AFG2A: variants seen among roughly 807,000 people sequenced by gnomAD.
The protein encoded by AFG2A is ATPase family gene 2 protein homolog A.
chr4:123,096,840 C>T, the AFG2A span, among the ~76,000 whole-genome samples: 2 of 152,052 alleles, frequency 1.3e-5, no homozygotes, highest in Admixed American at 6.6e-5. Context: ...TTGTGTTAGA[C>T]TCATGGAGGT....
At chr4:123,138,121 A>G in the AFG2A span, among the ~76,000 whole-genome samples, 4 of 152,172 alleles carry the variant, frequency 2.6e-5, no homozygotes, top group Non-Finnish European at 5.9e-5. Flanking sequence ...ATTTCAGCCT[A>G]TAGTGTGCAA....
the AFG2A span, among the ~76,000 whole-genome samples, chr4:122,945,885 G>A: frequency 5.3e-3 from 802 of 152,280 alleles, 7 homozygotes; most frequent in African/African-American, 0.018. Context: ...ATATACTAAC[G>A]TGTTAGTAAT....
the AFG2A span, among the ~76,000 whole-genome samples, chr4:123,048,497 T>G: frequency 6.6e-6 from 1 of 152,168 alleles, no homozygotes; most frequent in African/African-American, 2.4e-5. Flanking sequence ...GAGCATGGGA[T>G]ATCTGTTCAT....
At chr4:123,293,759 G>T in the AFG2A span, among the ~76,000 whole-genome samples, 1 of 152,350 alleles carries the variant, frequency 6.6e-6, no homozygotes, top group South Asian at 2.1e-4. Flanking sequence ...GCTTACAAGG[G>T]CAGAGACACT....
the AFG2A span, among the ~76,000 whole-genome samples, chr4:123,020,401 TC>T: frequency 6.6e-6 from 1 of 151,168 alleles, no homozygotes; most frequent in African/African-American, 2.4e-5. Flanking sequence ...GGACTTTCAC[TC>T]TTGGCGTTCA....
the AFG2A span, among the ~76,000 whole-genome samples, chr4:123,035,681 TA>T: frequency 5.3e-5 from 8 of 152,186 alleles, no homozygotes; most frequent in African/African-American, 1.4e-4. Flanking sequence ...ATATATATGT[TA>T]TTTTTTTTGA....
the AFG2A span, among the ~76,000 whole-genome samples, chr4:122,933,043 T>C: frequency 6.6e-6 from 1 of 152,234 alleles, no homozygotes; most frequent in Non-Finnish European, 1.5e-5. Context: ...CCATAGATAA[T>C]AGTGCTCATA....
chr4:123,315,817 A>C, the AFG2A span: 1 of 152,184 alleles, frequency 6.6e-6, no homozygotes, highest in African/African-American at 2.4e-5. Flanking sequence ...TTGTTGTGTC[A>C]CCCAGGCTGG....
the AFG2A span, among the ~76,000 whole-genome samples, chr4:122,978,187 T>C: frequency 6.6e-6 from 1 of 151,124 alleles, no homozygotes; most frequent in Admixed American, 6.6e-5. Context: ...GCCTGATGAG[T>C]GTCCAGCTCT....
the AFG2A span, among the ~76,000 whole-genome samples, chr4:123,097,969 A>G: frequency 6.6e-6 from 1 of 152,142 alleles, no homozygotes; most frequent in Non-Finnish European, 1.5e-5. Context: ...TATGAAATTC[A>G]GCTTTCAGTC....
chr4:123,170,388 T>A, the AFG2A span, among the ~76,000 whole-genome samples: 1 of 152,188 alleles, frequency 6.6e-6, no homozygotes, highest in Admixed American at 6.5e-5. Flanking sequence ...ACCCCTATCG[T>A]CATTGCCTGC....
the AFG2A span, among the ~76,000 whole-genome samples, chr4:123,053,234 A>T: frequency 6.6e-6 from 1 of 152,232 alleles, no homozygotes; most frequent in Non-Finnish European, 1.5e-5. Flanking sequence ...AGACTCTCTG[A>T]GCCCAGGCTT....
chr4:123,118,820 G>A, the AFG2A span, among the ~76,000 whole-genome samples: 1 of 152,006 alleles, frequency 6.6e-6, no homozygotes, highest in African/African-American at 2.4e-5. Flanking sequence ...ATTTAAAAGG[G>A]TAAGTAAATA....
chr4:123,161,247 C>T, the AFG2A span, among the ~76,000 whole-genome samples: 1 of 152,076 alleles, frequency 6.6e-6, no homozygotes, highest in Non-Finnish European at 1.5e-5. Context: ...TTATCATATA[C>T]AATATTGGCT....
the AFG2A span, among the ~76,000 whole-genome samples, chr4:122,965,517 T>C: frequency 6.6e-6 from 1 of 152,228 alleles, no homozygotes; most frequent in Non-Finnish European, 1.5e-5. Context: ...CCCTTCAAGG[T>C]ATCTTGTTTT....
chr4:122,956,862 TA>T, the AFG2A span, among the ~76,000 whole-genome samples: 1 of 152,212 alleles, frequency 6.6e-6, no homozygotes, highest in South Asian at 2.1e-4. Flanking sequence ...TATAGCAGAA[TA>T]AAATTTGAAA....
chr4:123,164,959 A>G, the AFG2A span, among the ~76,000 whole-genome samples: 1 of 152,166 alleles, frequency 6.6e-6, no homozygotes, highest in African/African-American at 2.4e-5. Flanking sequence ...GCCTTTTTAC[A>G]GTCTCTAAAA....
chr4:122,988,275 T>C, the AFG2A span, among the ~76,000 whole-genome samples: 1 of 151,846 alleles, frequency 6.6e-6, no homozygotes, highest in Non-Finnish European at 1.5e-5. Flanking sequence ...TGTTTTAATC[T>C]ATTTGGAGTT....
chr4:123,179,307 C>CTACT, the AFG2A span, among the ~76,000 whole-genome samples: 69,931 of 149,550 alleles, frequency 0.47, 19,669 homozygotes, highest in Non-Finnish European at 0.61. Context: ...CTCACACATA[C>CTACT]TACTTACTTA....
Sources: gnomAD v4.1 joint callset for allele counts (sites outside exome capture counted in the v4.1 genomes callset) on GRCh38, gnomAD v4.1.1 for gene constraint, MANE v1.5 for transcripts, NCBI Gene and HGNC (gene_info 2026-07-23, HGNC 2026-07-21) for gene names.